Variants in GTPBP4 observed in about 807,000 individuals in gnomAD.
The protein encoded by GTPBP4 is GTP binding protein 4, also known as GTP-binding protein 4.
Under a neutral mutation model 81.7 loss-of-function variants are expected in GTPBP4, and 15 were observed. The observed-to-expected ratio is 0.18, with a 90% CI of 0.12 to 0.28. The LOEUF is 0.28. Among genes scored for constraint, GTPBP4 ranks in the 10% least tolerant of loss-of-function variants. GTPBP4 has a pLI of 1.00. For synonymous variants in GTPBP4, 272 were observed against 274.6 expected, an observed-to-expected ratio of 0.99 and a Z score of 0.09; for missense variants, 847 against 793.8, an observed-to-expected ratio of 1.07 and a Z score of -0.81.
intron 12 of GTPBP4, 82 bp from the exon 13 acceptor site, chr10:1,010,338 C>CAGTCACAACTCATTTTGCGCACGT: frequency 1.4e-6 from 1 of 729,850 alleles, no homozygotes; most frequent in Non-Finnish European, 2.5e-6. Context: ...GATTTGCCGT[C>CAGTCACAACTCATTTTGCGCACGT]AGTCACAACT....
intron 9 of GTPBP4, among the ~76,000 whole-genome samples, 187 bp downstream of exon 9, chr10:1,006,094 G>A (rs1324311145): frequency 5.3e-5 from 8 of 152,220 alleles, no homozygotes; most frequent in African/African-American, 1.4e-4. Flanking sequence ...TTTGCCCCCC[G>A]TGGACAGTGG....
chr10:1,007,255 T>A (rs1831758889), intron 10 of GTPBP4, 127 bp downstream of exon 10: 1 of 616,418 alleles, frequency 1.6e-6, no homozygotes, highest in Non-Finnish European at 2.9e-6. Context: ...TGGGCCTCAG[T>A]TTCACCTTCT....
intron 8 of GTPBP4, among the ~76,000 whole-genome samples, chr10:1,002,330 A>G (rs182208540): frequency 2.6e-5 from 4 of 152,282 alleles, no homozygotes; most frequent in Admixed American, 2.0e-4. Context: ...CCCTTTTATT[A>G]TTATATAATG....
chr10:995,960 A>G lies in GTPBP4; in HGVS notation c.251A>G (p.Asn84Ser), dbSNP rs1457075234. The change falls in exon 3 of 17, where the codon AAT (asparagine) becomes AGT (serine). Residue 84 changes from asparagine (N) to serine (S), a missense_variant. Physicochemically the swap from Asn to Ser is conservative, Grantham distance 46 (BLOSUM62 1). Around this residue, in one of 3 missense-constraint regions of GTPBP4, gnomAD observed 241 missense variants for 216.3 expected, o/e 1.11. Transcript: ENST00000360803. The part of the protein sequence containing the change: ...DIHPFYADLM[N>S]ILYDKDHYKL... ...CATCCGTTCTATGCTGATTTGATGA[A>G]TATTCTCTACGACAAGGATCATTAC... The G allele has an allele frequency of 1.9e-6, 3 of 1,610,928 alleles. No homozygotes were observed. The highest frequency in any genetic ancestry group is 3.3e-5 in the Admixed American group (2 of 60,016).
chr10:1,005,966 C>G, intron 9 of GTPBP4, 59 bp downstream of exon 9: 1 of 855,742 alleles, frequency 1.2e-6, no homozygotes, highest in Non-Finnish European at 1.9e-6. Context: ...TGATTCAAGT[C>G]AGTTGTGGGG....
intron 14 of GTPBP4, among the ~76,000 whole-genome samples, chr10:1,013,677 A>G (rs769802413): frequency 3.9e-5 from 6 of 152,226 alleles, no homozygotes; most frequent in Non-Finnish European, 8.8e-5. Context: ...CGCAGTCTAC[A>G]AAAGGCAATT....
At chr10:989,080 G>C (rs1831395206) in intron 1 of GTPBP4, 1 of 151,144 alleles carries the variant, frequency 6.6e-6, no homozygotes, top group Admixed American at 6.6e-5. Context: ...GGTTGGTGTG[G>C]CAAGAATGAG....
chr10:1,010,793 C>T (rs1339693646), intron 13 of GTPBP4, among the ~76,000 whole-genome samples: 1 of 133,718 alleles, frequency 7.5e-6, no homozygotes, highest in Non-Finnish European at 1.6e-5. Context: ...CCTTCGTTAT[C>T]CTGCACCCCT....
At chr10:1,015,387 C>T (rs929897089) in intron 15 of GTPBP4, among the ~76,000 whole-genome samples, 2 of 137,120 alleles carry the variant, frequency 1.5e-5, no homozygotes, top group African/African-American at 3.0e-5. Flanking sequence ...GAGCTCTGAG[C>T]CTGGGAGTGG....
intron 9 of GTPBP4, among the ~76,000 whole-genome samples, chr10:1,006,447 T>C (rs1252577334): frequency 6.6e-6 from 1 of 152,220 alleles, no homozygotes; most frequent in Non-Finnish European, 1.5e-5. Flanking sequence ...GAGACCAGCC[T>C]GGCCAACGTG....
intron 9 of GTPBP4, among the ~76,000 whole-genome samples, chr10:1,006,358 G>T (rs1004768493): frequency 6.6e-6 from 1 of 152,170 alleles, no homozygotes; most frequent in Non-Finnish European, 1.5e-5. Context: ...GACATTTCTG[G>T]CCAGGCGCAG....
At position 1,017,064 on chromosome 10, in the gene GTPBP4, C is replaced by T. The variant is rs1202423727; in HGVS notation, c.1753-11C>T. On this transcript the variant is annotated splice_polypyrimidine_tract_variant and intron_variant, in intron 16 of 16. Coordinates refer to ENST00000360803, the MANE Select transcript of GTPBP4 (RefSeq NM_012341.3). ...TAATGAACATACTTTATTTTTTTCT[C>T]CTCCTTTTAGATGGTGAAGAAAGCC... The T allele has an allele frequency of 4.4e-6, 7 of 1,596,880 alleles. No individual in the cohort carries two copies. In the Admixed American group the frequency reaches 8.9e-5, roughly 20 times the overall value.
At position 1,003,971 on chromosome 10, in the gene GTPBP4, T is replaced by G. The variant is rs558787370; in HGVS notation, c.913-1847T>G. ...TGGGGTGCAGGTTTACTCTCTGTGG[T>G]GGATCTCTGATCCTGAAGCACCCCT... On this transcript the variant is annotated intron_variant, in intron 8 of 16. Coordinates refer to ENST00000360803, the MANE Select transcript of GTPBP4 (RefSeq NM_012341.3). 2.6e-5 allele frequency among the ~76,000 whole-genome samples: 4 copies of G among 152,156 alleles called. No individual in the cohort carries two copies. In the South Asian group the frequency reaches 8.3e-4, roughly 32 times the overall value.
intron 6 of GTPBP4, among the ~76,000 whole-genome samples, chr10:999,926 T>C (rs1017564345): frequency 1.3e-5 from 2 of 152,210 alleles, no homozygotes; most frequent in Non-Finnish European, 2.9e-5. Flanking sequence ...GCCATTGCAC[T>C]CCAGCCTGGG....
chr10:993,460 T>C (rs929984701), intron 2 of GTPBP4, among the ~76,000 whole-genome samples: 15 of 152,316 alleles, frequency 9.8e-5, no homozygotes, highest in Admixed American at 9.8e-4. Context: ...TTGGCCAGGC[T>C]GGTCTTGAAC....
chr10:990,340 T>C lies in GTPBP4; in HGVS notation c.48+1813T>C, dbSNP rs190118797. On this transcript the variant is annotated intron_variant, in intron 1 of 16. Transcript: ENST00000360803. ...GGTATTCAGTTCATTCTAGAAGATG[T>C]TGAGTGAGTGCCTGTCCTGTGCATC... Among the ~76,000 whole-genome samples the C allele has an allele frequency of 7.2e-5, 11 of 152,044 alleles. No individual in the cohort carries two copies. In the East Asian group the frequency reaches 1.9e-3, roughly 27 times the overall value.
At chr10:1,010,812 ACT>A (rs1337183544) in intron 13 of GTPBP4, among the ~76,000 whole-genome samples, 1 of 112,432 alleles carries the variant, frequency 8.9e-6, no homozygotes, top group Non-Finnish European at 1.7e-5. Context: ...CTCCATCCTG[ACT>A]CTGCCTCCTG....
At chr10:991,585 A>G (rs1831443779) in intron 1 of GTPBP4, among the ~76,000 whole-genome samples, 1 of 152,166 alleles carries the variant, frequency 6.6e-6, no homozygotes, top group African/African-American at 2.4e-5. Context: ...CTTTTTCTCA[A>G]CTATTCTAAT....
intron 6 of GTPBP4, among the ~76,000 whole-genome samples, chr10:999,308 A>T (rs1250270782): frequency 6.6e-6 from 1 of 151,904 alleles, no homozygotes; most frequent in African/African-American, 2.4e-5. Context: ...TTTAGTAGAG[A>T]GGGGGTTTCA....
Sources: allele counts gnomAD v4.1 joint callset (sites outside exome capture counted in the v4.1 genomes callset), GRCh38; gene constraint gnomAD v4.1.1; regional missense constraint gnomAD v4.1.1; transcripts MANE v1.5; gene names NCBI Gene and HGNC (gene_info 2026-07-23, HGNC 2026-07-21).